Variants in YJU2 observed in about 807,000 individuals in gnomAD.
The protein encoded by YJU2 is YJU2 splicing factor homolog.
In YJU2, 28 loss-of-function variants were observed where a neutral mutation model predicts 39.6. The ratio of observed to expected loss-of-function variants is 0.71; its 90% CI spans 0.52 to 0.97. The LOEUF (loss-of-function observed/expected upper bound fraction) is 0.97. Ranked by LOEUF, YJU2 falls within the 50% of genes least tolerant of loss-of-function variation. YJU2 has a pLI of 0.00. For synonymous variants in YJU2, 184 were observed against 182.4 expected, an observed-to-expected ratio of 1.01 and a Z score of -0.07; for missense variants, 328 against 430.4, an observed-to-expected ratio of 0.76 and a Z score of 2.11.
intron 6 of YJU2, among the ~76,000 whole-genome samples, chr19:4,265,392 G>A (rs996638862): frequency 1.1e-4 from 17 of 151,442 alleles, no homozygotes; most frequent in Non-Finnish European, 2.2e-4. Flanking sequence ...GGACCCACAA[G>A]TGTGTAGTGT....
chr19:4,259,064 C>T (rs1319109744), intron 5 of YJU2, among the ~76,000 whole-genome samples: 2 of 141,386 alleles, frequency 1.4e-5, no homozygotes, highest in Non-Finnish European at 3.1e-5. Context: ...CCTGGGTGAA[C>T]ACTTTTCTTT....
At chr19:4,266,622 GA>G (rs1971117320) in intron 6 of YJU2, among the ~76,000 whole-genome samples, 1 of 152,164 alleles carries the variant, frequency 6.6e-6, no homozygotes, top group Admixed American at 6.6e-5. Context: ...TGAGCTCCGT[GA>G]GGGCAGAGCA....
At chr19:4,247,580 CGCGTGTGTGTGTGTGTGTGTGTGTGT>C (rs1970932551) in intron 1 of YJU2, among the ~76,000 whole-genome samples, 1 of 46,236 alleles carries the variant, frequency 2.2e-5, no homozygotes, top group Non-Finnish European at 3.7e-5. Context: ...GGTGGGGTGG[CGCGTGTGTGTGTGTGTGTGTGTGTGT>C]GTGTGTGTGT....
chr19:4,267,537 T>G lies in YJU2; in HGVS notation c.709-87T>G. ...CAGTGCAGCAGTGGAAGAGTGGGCA[T>G]GGGGCAGTGAGCAGGGGTTGTGGCG... is the stretch of plus-strand genomic sequence containing the variant. On this transcript the variant is annotated intron_variant, in intron 6 of 7. Transcript: ENST00000262962. 2.2e-6 allele frequency: 3 copies of G among 1,375,090 alleles called. No individual in the cohort carries two copies. In the East Asian group the frequency reaches 6.9e-5, roughly 32 times the overall value. 85.2% of individuals were successfully genotyped at this position (1,375,090 alleles called of 1,614,324 possible). A position where few individuals can be genotyped will look rare whatever the true frequency, so the allele number is the denominator to read the frequency against.
intron 6 of YJU2, among the ~76,000 whole-genome samples, chr19:4,263,957 A>C (rs1442965299): frequency 4.6e-5 from 7 of 151,748 alleles, no homozygotes; most frequent in Non-Finnish European, 8.8e-5. Flanking sequence ...CCAATAACAC[A>C]GACACACAGA....
chr19:4,248,480 C>G (rs1042176289), intron 1 of YJU2, among the ~76,000 whole-genome samples: 8 of 152,182 alleles, frequency 5.3e-5, no homozygotes, highest in African/African-American at 1.9e-4. Flanking sequence ...AGGGAGATGA[C>G]TCTGTAGGAA....
At position 4,251,110 on chromosome 19, in the gene YJU2, G is replaced by A. The variant is rs746086407; in HGVS notation, c.209G>A (p.Gly70Asp). ...KETVQNEVYL[G>D]LPIFRFYIKC... The stretch of plus-strand genomic sequence containing the variant: ...ACGGTGCAGAACGAGGTCTACCTGG[G>A]CCTGCCCATCTTCCGCTTTTACATC... The change falls in exon 3 of 8, where the codon GGC (glycine) becomes GAC (aspartate). Residue 70 changes from glycine (G) to aspartate (D), a missense_variant. Transcript: ENST00000262962. The A allele has an allele frequency of 3.1e-6, 5 of 1,614,158 alleles. No homozygotes were observed. The South Asian group carries it at 5.5e-5, about 18-fold the overall frequency.
intron 5 of YJU2, 88 bp from the exon 6 acceptor site, chr19:4,261,906 A>C: frequency 7.0e-7 from 1 of 1,429,730 alleles, no homozygotes; most frequent in East Asian, 2.3e-5. Flanking sequence ...GTCTCCAGGC[A>C]CCCAGGCCCC....
chr19:4,247,472 C>G (rs377033497), intron 1 of YJU2: 5 of 266,702 alleles, frequency 1.9e-5, no homozygotes, highest in Admixed American at 5.1e-5. Context: ...TCCTTAAATG[C>G]TGGCGGCCGT....
At chr19:4,247,586 T>TGGCGTGGCGTGGCGTGGCGTGGC (rs1568359507) in intron 1 of YJU2, among the ~76,000 whole-genome samples, 1 of 5,816 alleles carries the variant, frequency 1.7e-4, no homozygotes, top group Non-Finnish European at 3.2e-4. Context: ...GTGGCGCGTG[T>TGGCGTGGCGTGGCGTGGCGTGGC]GTGTGTGTGT....
chr19:4,265,707 G>C (rs1007469578), intron 6 of YJU2, among the ~76,000 whole-genome samples: 1 of 151,556 alleles, frequency 6.6e-6, no homozygotes, highest in African/African-American at 2.4e-5. Context: ...TCCTGCCTTA[G>C]CCTCCTGAGT....
intron 5 of YJU2, among the ~76,000 whole-genome samples, chr19:4,260,538 ACCAGCCT>A (rs962085568): frequency 4.0e-5 from 6 of 151,490 alleles, no homozygotes; most frequent in Non-Finnish European, 8.8e-5. Flanking sequence ...GGAGTTCGAG[ACCAGCCT>A]GGCCAAGATG....
intron 4 of YJU2, among the ~76,000 whole-genome samples, chr19:4,255,192 C>T (rs1971009791): frequency 6.6e-6 from 1 of 151,990 alleles, no homozygotes; most frequent in Non-Finnish European, 1.5e-5. Context: ...CCACTGCACT[C>T]CAGCCTGGGC....
At chr19:4,267,273 G>T (rs942991711) in intron 6 of YJU2, among the ~76,000 whole-genome samples, 2 of 152,154 alleles carry the variant, frequency 1.3e-5, no homozygotes, top group African/African-American at 4.8e-5. Flanking sequence ...CTCAGAGGAG[G>T]GGTGTCTTGT....
rs556514618 is a variant in YJU2 at position 4,247,096 on chromosome 19, T to C, written c.-51T>C. On this transcript the variant is annotated 5_prime_UTR_variant, in exon 1 of 8. Coordinates refer to ENST00000262962, the MANE Select transcript of YJU2 (RefSeq NM_018074.6). ...GCTTCCGTCGGAAAAGCTCGATAAT[T>C]ACCCAGCCTAACCATTTCTCAGGTG... is the stretch of plus-strand genomic sequence containing the variant. 1 of 1,585,374 alleles carries C rather than the reference T, an allele frequency of 6.3e-7. No individual in the cohort carries two copies. Among genetic ancestry groups the C allele is most frequent in the Admixed American group, 1.7e-5 (1 of 59,972 alleles).
In YJU2 at chr19:4,268,612, C is replaced by G. The variant is rs746621714; in HGVS notation, c.888C>G (p.Asn296Lys). 6.2e-7 allele frequency: 1 copy of G among 1,613,478 alleles called. No homozygotes were observed. The highest frequency in any genetic ancestry group is 8.5e-7 in the Non-Finnish European group (1 of 1,179,726). ...PGAPQNRKEA[N>K]PTPLTPGASS... ...CCCCGCAGAACAGGAAGGAGGCCAA[C>G]CCTACACCCCTGACGCCTGGCGCGT... The change falls in exon 8 of 8, where the codon AAC becomes AAG. Residue 296 changes from asparagine to lysine, a missense_variant. Transcript: ENST00000262962.
chr19:4,247,195 T>C, intron 1 of YJU2, 25 bp downstream of exon 1: 1 of 1,611,328 alleles, frequency 6.2e-7, no homozygotes, highest in Admixed American at 1.7e-5. Flanking sequence ...ACTGGGGCTT[T>C]TCAATCGGAG....
intron 6 of YJU2, 90 bp downstream of exon 6, chr19:4,262,204 GT>G: frequency 2.8e-6 from 4 of 1,422,066 alleles, no homozygotes; most frequent in Non-Finnish European, 3.8e-6. Flanking sequence ...TTTGTTTTTT[GT>G]TTTTGTTTTT....
intron 2 of YJU2, among the ~76,000 whole-genome samples, chr19:4,249,576 A>T (rs1299994441): frequency 1.3e-5 from 2 of 151,870 alleles, no homozygotes; most frequent in Non-Finnish European, 2.9e-5. Context: ...TGCAGAGAGG[A>T]TAGGACGCCA....
Sources: gnomAD v4.1 joint callset for allele counts (sites outside exome capture counted in the v4.1 genomes callset) on GRCh38, gnomAD v4.1.1 for gene constraint, MANE v1.5 for transcripts, NCBI Gene and HGNC (gene_info 2026-07-23, HGNC 2026-07-21) for gene names.